RABGAP1: variants seen among roughly 807,000 people sequenced by gnomAD.
RABGAP1 encodes the protein RAB GTPase activating protein 1.
A neutral mutation model predicts 137.6 loss-of-function variants in RABGAP1; 23 were observed. The observed-to-expected ratio is 0.17, with a 90% CI of 0.12 to 0.24. The LOEUF is 0.24. Ranked by LOEUF, RABGAP1 falls within the 10% of genes least tolerant of loss-of-function variation. RABGAP1 has a pLI of 1.00. For synonymous variants in RABGAP1, 451 were observed against 450.7 expected, an observed-to-expected ratio of 1.00 and a Z score of -0.01; for missense variants, 906 against 1,275.8, an observed-to-expected ratio of 0.71 and a Z score of 4.42.
chr9:123,087,523 C>G (rs16912549), intron 19 of RABGAP1, among the ~76,000 whole-genome samples: 1,867 of 152,292 alleles, frequency 0.012, 39 homozygotes, highest in African/African-American at 0.043. Flanking sequence ...AGACATTTTA[C>G]TTAGGTGCTT....
At chr9:123,009,120 A>G (rs764408787) in intron 10 of RABGAP1, among the ~76,000 whole-genome samples, 12 of 152,220 alleles carry the variant, frequency 7.9e-5, no homozygotes, top group African/African-American at 1.7e-4. Flanking sequence ...ATAAAGTTCT[A>G]TTGGAACACA....
At chr9:122,942,188 AAAC>A (rs762843713) in intron 1 of RABGAP1, among the ~76,000 whole-genome samples, 1 of 152,232 alleles carries the variant, frequency 6.6e-6, no homozygotes, top group Non-Finnish European at 1.5e-5. Flanking sequence ...CAAAACAAAA[AAAC>A]AACGGAAGGT....
In RABGAP1 at chr9:123,091,578, C is replaced by G. The variant is rs77001852; in HGVS notation, c.2628+1193C>G. Among the ~76,000 whole-genome samples the G allele has an allele frequency of 3.9e-5, 6 of 152,108 alleles. No homozygotes were observed. The East Asian group carries it at 1.2e-3, about 29-fold the overall frequency. The stretch of plus-strand genomic sequence containing the variant: ...AAAATGAGGGGTGGTAAAATAATAG[C>G]TATGTCACAGGGTATAGAGAGAATT... On this transcript the variant is annotated intron_variant, in intron 21 of 25. Transcript: ENST00000373647.
intron 15 of RABGAP1, 49 bp from the exon 16 acceptor site, chr9:123,073,503 A>AT (rs760858368): frequency 9.5e-6 from 15 of 1,573,106 alleles, no homozygotes; most frequent in Middle Eastern, 1.7e-4. Context: ...ATGTTTTGTG[A>AT]TTCCCCACCG....
At chr9:123,060,426 A>G (rs2033923566) in intron 13 of RABGAP1, among the ~76,000 whole-genome samples, 3 of 152,346 alleles carry the variant, frequency 2.0e-5, no homozygotes, top group Admixed American at 2.0e-4. Flanking sequence ...GTATTCCATT[A>G]GATGGATATA....
chr9:122,997,446 C>A, intron 9 of RABGAP1, 85 bp downstream of exon 9: 1 of 819,164 alleles, frequency 1.2e-6, no homozygotes, highest in Non-Finnish European at 1.8e-6. Flanking sequence ...TGACCAATAT[C>A]CAGTGTTTAC....
intron 21 of RABGAP1, among the ~76,000 whole-genome samples, chr9:123,094,878 T>A (rs560720014): frequency 2.0e-5 from 3 of 152,364 alleles, no homozygotes; most frequent in Admixed American, 2.0e-4. Context: ...TCAAGTAATA[T>A]ATCCATTTCA....
At position 123,070,139 on chromosome 9, in the gene RABGAP1, C is replaced by T. The variant is rs577571328; in HGVS notation, c.1909-211C>T. On this transcript the variant is annotated intron_variant, in intron 14 of 25. Coordinates refer to ENST00000373647, the MANE Select transcript of RABGAP1 (RefSeq NM_012197.4). The surrounding 1 kb of genome is among the most constrained non-coding windows in gnomAD (Gnocchi z 4.4). ...TTTTCCTTAATCTTCCCTACTCCTT[C>T]GCCACAGGAAATGCAGTGGTGATAG... 2.0e-5 allele frequency among the ~76,000 whole-genome samples: 3 copies of T among 152,200 alleles called. No homozygotes were observed. The highest frequency in any genetic ancestry group is 3.9e-4 in the East Asian group (2 of 5,182).
chr9:122,958,210 A>G (rs1834641106), intron 2 of RABGAP1, among the ~76,000 whole-genome samples: 1 of 152,092 alleles, frequency 6.6e-6, no homozygotes, highest in South Asian at 2.1e-4. Flanking sequence ...TAGTCCTGGA[A>G]CCATCTGGCC....
chr9:123,090,263 TCTA>T lies in RABGAP1; in HGVS notation c.2518-10_2518-8del. ...TTTATGTGTCTGTAACTGGTTTCTT[TCTA>T]CCCTTCAGCGGGAGAATAGGCGTCT... On this transcript the variant is annotated splice_polypyrimidine_tract_variant and intron_variant, in intron 20 of 25. Coordinates refer to ENST00000373647, the MANE Select transcript of RABGAP1 (RefSeq NM_012197.4). 6.3e-7 allele frequency: 1 copy of T among 1,596,858 alleles called. No individual in the cohort carries two copies.
At chr9:122,960,167 A>G (rs779839340) in intron 2 of RABGAP1, among the ~76,000 whole-genome samples, 1 of 152,222 alleles carries the variant, frequency 6.6e-6, no homozygotes, top group Non-Finnish European at 1.5e-5. Flanking sequence ...GCCTGAGGAA[A>G]CTAGGGAAAG....
At chr9:123,016,363 T>C (rs1349170766) in intron 12 of RABGAP1, among the ~76,000 whole-genome samples, 2 of 151,962 alleles carry the variant, frequency 1.3e-5, no homozygotes, top group African/African-American at 4.8e-5. Flanking sequence ...AAAAGTTAAC[T>C]GGGCGTGGTG....
At chr9:122,932,335 C>A in the RABGAP1 span, among the ~76,000 whole-genome samples, 1 of 152,188 alleles carries the variant, frequency 6.6e-6, no homozygotes, top group African/African-American at 2.4e-5. Flanking sequence ...GATCCACCCT[C>A]CTCAGCCTCC....
At chr9:123,099,188 C>A (rs531504625) in intron 23 of RABGAP1, among the ~76,000 whole-genome samples, 32 of 152,254 alleles carry the variant, frequency 2.1e-4, no homozygotes, top group African/African-American at 7.2e-4. Context: ...GGTCTTGTTC[C>A]CTCCTACACT....
Position 122,974,076 on chromosome 9 carries a change from A to C in RABGAP1, c.151-10409A>C, listed in dbSNP as rs931376182. Among the ~76,000 whole-genome samples, 7 of 152,284 alleles carry C rather than the reference A, an allele frequency of 4.6e-5. No individual in the cohort carries two copies. In the South Asian group the frequency reaches 1.5e-3, roughly 32 times the overall value. On this transcript the variant is annotated intron_variant, in intron 2 of 25. Transcript: ENST00000373647. Reference sequence around the variant, plus strand: ...CTGTAATGCAGATCTTTTATTCAGCAAAGTTACTGAACATGAGCTCAGTTT... The same window carrying C: ...CTGTAATGCAGATCTTTTATTCAGCCAAGTTACTGAACATGAGCTCAGTTT...
At chr9:122,986,803 T>C (rs1189770795) in intron 4 of RABGAP1, among the ~76,000 whole-genome samples, 1 of 152,130 alleles carries the variant, frequency 6.6e-6, no homozygotes, top group Non-Finnish European at 1.5e-5. Context: ...TATTAAATAT[T>C]AACTATACCA....
intron 19 of RABGAP1, chr9:123,089,557 A>G (rs2034975096): frequency 1.9e-6 from 1 of 516,392 alleles, no homozygotes; most frequent in African/African-American, 1.9e-5. Flanking sequence ...AACATCTCCA[A>G]CAGAACTCTA....
intron 11 of RABGAP1, among the ~76,000 whole-genome samples, chr9:123,012,407 A>G (rs1284386095): frequency 3.3e-5 from 5 of 152,256 alleles, no homozygotes; most frequent in African/African-American, 9.6e-5. Flanking sequence ...TGAGAAAGAC[A>G]CTATTATGAA....
intron 13 of RABGAP1, chr9:123,029,737 TA>T: frequency 1.6e-6 from 1 of 632,078 alleles, no homozygotes; most frequent in South Asian, 1.4e-5. Flanking sequence ...CTTCTTCTTG[TA>T]GTCCTTGGGT....
Sources: allele counts gnomAD v4.1 joint callset (sites outside exome capture counted in the v4.1 genomes callset), GRCh38; gene constraint gnomAD v4.1.1; non-coding constraint Gnocchi (gnomAD v3.1); transcripts MANE v1.5; gene names NCBI Gene and HGNC (gene_info 2026-07-23, HGNC 2026-07-21).